The following ANGPT1 variants were observed in gnomAD, a reference collection of about 807,000 sequenced individuals.
ANGPT1 encodes angiopoietin 1.
ANGPT1 carries 17 observed loss-of-function variants against 62.2 expected under a neutral mutation model. That is an observed-to-expected ratio of 0.27 (90% CI 0.19 to 0.41). The LOEUF (loss-of-function observed/expected upper bound fraction) is 0.41. Among genes scored for constraint, ANGPT1 ranks in the 10% least tolerant of loss-of-function variants. ANGPT1 has a pLI of 1.00. For missense variants in ANGPT1, 478 were observed against 594.9 expected (o/e 0.80, Z 2.04); for synonymous variants, 199 against 198.9 (o/e 1.00, Z 0.00).
intron 8 of ANGPT1, 120 bp downstream of exon 8, chr8:107,264,101 T>C: frequency 8.0e-7 from 1 of 1,253,222 alleles, no homozygotes; most frequent in South Asian, 2.0e-5. Context: ...AACAAAATGA[T>C]CTCTAGGGAC....
chr8:107,347,660 A>G lies in ANGPT1; in HGVS notation c.298-563T>C, dbSNP rs116663041. Among the ~76,000 whole-genome samples, 584 of 152,310 alleles carry G rather than the reference A, an allele frequency of 3.8e-3. 6 individuals are homozygous for G. Among genetic ancestry groups the G allele is most frequent in the African/African-American group, 0.014 (562 of 41,566 alleles). ...GGGATGAGGAGTGGGAGGAAGGATG[A>G]TGTCCAAAACAAAAACCTTTAAAGG... On this transcript the variant is annotated intron_variant, in intron 1 of 8. Coordinates refer to ENST00000517746, the MANE Select transcript of ANGPT1 (RefSeq NM_001146.5).
chr8:107,432,275 C>T (rs1037299769), intron 1 of ANGPT1, among the ~76,000 whole-genome samples: 8 of 152,122 alleles, frequency 5.3e-5, no homozygotes, highest in East Asian at 3.9e-4. Context: ...TTTTCTATAA[C>T]GATGTTATAA....
At chr8:107,376,659 G>T (rs983275757) in intron 1 of ANGPT1, among the ~76,000 whole-genome samples, 1 of 152,098 alleles carries the variant, frequency 6.6e-6, no homozygotes, top group African/African-American at 2.4e-5. Context: ...GTAAGGCCTA[G>T]CCAAACTGTG....
intron 5 of ANGPT1, among the ~76,000 whole-genome samples, chr8:107,296,368 G>A (rs1814416633): frequency 6.6e-6 from 1 of 152,094 alleles, no homozygotes; most frequent in Non-Finnish European, 1.5e-5. Context: ...GATGGAACAG[G>A]AGAGATAAAA....
chr8:107,460,463 A>G (rs1254546804), intron 1 of ANGPT1, among the ~76,000 whole-genome samples: 2 of 152,224 alleles, frequency 1.3e-5, no homozygotes, highest in Admixed American at 6.5e-5. Context: ...GAACCTGTGC[A>G]TTTATAACTC....
intron 1 of ANGPT1, among the ~76,000 whole-genome samples, chr8:107,368,098 T>C (rs2130231565): frequency 6.6e-6 from 1 of 152,312 alleles, no homozygotes; most frequent in Admixed American, 6.5e-5. Flanking sequence ...TATGGCAGCT[T>C]TAGCCTTCTA....
intron 1 of ANGPT1, among the ~76,000 whole-genome samples, chr8:107,432,525 A>G (rs902518604): frequency 6.6e-5 from 10 of 152,058 alleles, no homozygotes; most frequent in Admixed American, 4.6e-4. Context: ...TTAGCCACGC[A>G]TGGTGGCGGG....
chr8:107,351,252 A>T (rs1356237505), intron 1 of ANGPT1, among the ~76,000 whole-genome samples: 1 of 152,120 alleles, frequency 6.6e-6, no homozygotes, highest in Admixed American at 6.6e-5. Flanking sequence ...AAGCAAAAAA[A>T]AGTTGCATTT....
intron 1 of ANGPT1, among the ~76,000 whole-genome samples, chr8:107,496,289 CAG>C: frequency 6.6e-6 from 1 of 152,274 alleles, no homozygotes; most frequent in Non-Finnish European, 1.5e-5. Context: ...TATTATTAAA[CAG>C]AGTGCAAAGA....
intron 4 of ANGPT1, among the ~76,000 whole-genome samples, chr8:107,318,161 G>A (rs1449872140): frequency 2.6e-5 from 4 of 152,178 alleles, no homozygotes; most frequent in Non-Finnish European, 5.9e-5. Flanking sequence ...GTGGCCCAAT[G>A]TTTGCAGATG....
chr8:107,466,741 G>A (rs548334237), intron 1 of ANGPT1, among the ~76,000 whole-genome samples: 7 of 151,992 alleles, frequency 4.6e-5, no homozygotes, highest in South Asian at 2.1e-4. Context: ...GTGAAACCCC[G>A]TCTCTACTAA....
chr8:107,484,827 T>G (rs909613571), intron 1 of ANGPT1, among the ~76,000 whole-genome samples: 1 of 152,254 alleles, frequency 6.6e-6, no homozygotes, highest in Non-Finnish European at 1.5e-5. Context: ...GATTATGTTA[T>G]ATCAGTAGAT....
In ANGPT1 at chr8:107,333,920, GAGAAAGAA is replaced by G. The variant is rs139390488; in HGVS notation, c.575+2222_575+2229del. ...AAAGGATACATTTTTAAGAAATAAA[GAGAAAGAA>G]AGAAAGAAAGAAAGAAAAAGAAAGA... On this transcript the variant is annotated intron_variant, in intron 3 of 8. Coordinates refer to ENST00000517746, the MANE Select transcript of ANGPT1 (RefSeq NM_001146.5). Among the ~76,000 whole-genome samples, 43 of 138,172 alleles carry G rather than the reference GAGAAAGAA, an allele frequency of 3.1e-4. No individual in the cohort carries two copies. In the East Asian group the frequency reaches 5.4e-3, roughly 18 times the overall value. 90.6% of individuals were successfully genotyped at this position (138,172 alleles called of 152,430 possible). A position where few individuals can be genotyped will look rare whatever the true frequency, so the allele number is the denominator to read the frequency against.
intron 7 of ANGPT1, among the ~76,000 whole-genome samples, chr8:107,277,873 A>T (rs144889463): frequency 1.4e-3 from 215 of 152,300 alleles, no homozygotes; most frequent in African/African-American, 4.6e-3. Context: ...CTCAAGAGAC[A>T]TGACTGCAAA....
intron 7 of ANGPT1, among the ~76,000 whole-genome samples, chr8:107,265,223 G>A (rs1029974038): frequency 6.6e-6 from 1 of 151,976 alleles, no homozygotes; most frequent in Non-Finnish European, 1.5e-5. Flanking sequence ...TGTTTAAAAG[G>A]CCTATTTACT....
At position 107,293,031 on chromosome 8, in the gene ANGPT1, T is replaced by C. The variant is rs150876111; in HGVS notation, c.1038+905A>G. 2.7e-3 allele frequency among the ~76,000 whole-genome samples: 412 copies of C among 152,312 alleles called. 1 individual carries two copies. The highest frequency in any genetic ancestry group is 0.01 in the Middle Eastern group (3 of 294). ...GTCAGCAGATTTTAATAGTTAATAT[T>C]GTAGGCACCGACTATGTGATTACTG... On this transcript the variant is annotated intron_variant, in intron 6 of 8. Transcript: ENST00000517746.
rs796148774 is a variant in ANGPT1 at position 107,425,680 on chromosome 8, C to T, written c.297+71582G>A. On this transcript the variant is annotated intron_variant, in intron 1 of 8. Coordinates refer to ENST00000517746, the MANE Select transcript of ANGPT1 (RefSeq NM_001146.5). ...AGGCCGATCCTGGGGTTATCCCAACCGAAGTTTCTTCTCTTTTGGATCTGG... is the reference window on the plus strand; with the variant it reads ...AGGCCGATCCTGGGGTTATCCCAACTGAAGTTTCTTCTCTTTTGGATCTGG... Among the ~76,000 whole-genome samples the T allele has an allele frequency of 2.6e-5, 4 of 152,150 alleles. No individual in the cohort carries two copies. The South Asian group carries it at 6.2e-4, about 24-fold the overall frequency.
At chr8:107,284,959 T>G in intron 6 of ANGPT1, 111 bp from the exon 7 acceptor site, 1 of 936,642 alleles carries the variant, frequency 1.1e-6, no homozygotes. Context: ...AGTAAAGGTT[T>G]TTGTTTTTTA....
chr8:107,408,110 T>G (rs1374670772), intron 1 of ANGPT1, among the ~76,000 whole-genome samples: 1 of 151,798 alleles, frequency 6.6e-6, no homozygotes, highest in East Asian at 1.9e-4. Context: ...TCAGGCCCAA[T>G]TAGATATAGT....
Sources: allele counts gnomAD v4.1 joint callset (sites outside exome capture counted in the v4.1 genomes callset), GRCh38; gene constraint gnomAD v4.1.1; transcripts MANE v1.5; gene names NCBI Gene and HGNC (gene_info 2026-07-23, HGNC 2026-07-21).